Variants in LIN9 observed in about 807,000 individuals in gnomAD.
LIN9 encodes the protein protein lin-9 homolog.
A neutral mutation model predicts 78.0 loss-of-function variants in LIN9; 18 were observed. The observed-to-expected ratio is 0.23, with a 90% CI of 0.16 to 0.34. The LOEUF is 0.34. LIN9 is among the 10% of genes least tolerant of loss of function. LIN9 has a pLI of 1.00. For synonymous variants in LIN9, 192 were observed against 215.2 expected, an observed-to-expected ratio of 0.89 and a Z score of 0.94; for missense variants, 451 against 644.1, an observed-to-expected ratio of 0.70 and a Z score of 3.25.
At chr1:226,262,164 A>T (rs1206595320) in intron 10 of LIN9, among the ~76,000 whole-genome samples, 3 of 152,234 alleles carry the variant, frequency 2.0e-5, no homozygotes, top group African/African-American at 4.8e-5. Flanking sequence ...ATCCAAAACT[A>T]TAAAACTCCT....
chr1:226,241,025 T>A (rs752781730), intron 11 of LIN9, among the ~76,000 whole-genome samples: 1 of 152,182 alleles, frequency 6.6e-6, no homozygotes, highest in Non-Finnish European at 1.5e-5. Flanking sequence ...CCTCTGCTAC[T>A]ATAGATCTGA....
intron 4 of LIN9, among the ~76,000 whole-genome samples, chr1:226,291,050 C>T (rs1661759167): frequency 6.6e-6 from 1 of 152,216 alleles, no homozygotes; most frequent in Non-Finnish European, 1.5e-5. Flanking sequence ...AGCCACTGTG[C>T]ATGGTCCCAG....
At position 226,290,591 on chromosome 1, in the gene LIN9, C is replaced by T. The variant is rs563771676; in HGVS notation, c.265-2794G>A. 5.9e-5 allele frequency among the ~76,000 whole-genome samples: 9 copies of T among 152,194 alleles called. No individual in the cohort carries two copies. The South Asian group carries it at 6.2e-4, about 11-fold the overall frequency. ...TCCTGACCTCGTGATCCGCCCACCT[C>T]GGCCTCCCAAAGTGCTGGGATTACA... is the stretch of plus-strand genomic sequence containing the variant. On this transcript the variant is annotated intron_variant, in intron 4 of 14. Transcript: ENST00000681046.
At chr1:226,286,501 T>C (rs780608275) in intron 5 of LIN9, 43 bp from the exon 6 acceptor site, 17 of 1,442,326 alleles carry the variant, frequency 1.2e-5, no homozygotes, top group Non-Finnish European at 1.4e-5. Flanking sequence ...ATACAATGTG[T>C]TACTTTCTTA....
intron 10 of LIN9, among the ~76,000 whole-genome samples, chr1:226,263,549 T>A (rs1659728919): frequency 6.6e-6 from 1 of 152,190 alleles, no homozygotes; most frequent in African/African-American, 2.4e-5. Flanking sequence ...TGGCTCCCTT[T>A]GCTTATTGAT....
At chr1:226,305,011 A>G (rs1662812688) in intron 1 of LIN9, among the ~76,000 whole-genome samples, 2 of 152,026 alleles carry the variant, frequency 1.3e-5, no homozygotes, top group African/African-American at 4.8e-5. Context: ...TTCTACTAAA[A>G]ATACAAAAGT....
At chr1:226,254,610 TAAAA>T (rs1659065345) in intron 10 of LIN9, among the ~76,000 whole-genome samples, 1 of 151,768 alleles carries the variant, frequency 6.6e-6, no homozygotes, top group Admixed American at 6.6e-5. Flanking sequence ...CTGACATACT[TAAAA>T]AAATCAATGA....
Position 226,231,501 on chromosome 1 carries a change from A to G in LIN9, c.*1000T>C, listed in dbSNP as rs1474292053. 1 of 152,590 alleles carries G rather than the reference A, an allele frequency of 6.6e-6. No homozygotes were observed. The highest frequency in any genetic ancestry group is 2.4e-5 in the African/African-American group (1 of 41,458). The allele number at this position is 152,590 out of a possible 1,614,324, so 9.5% of individuals were successfully genotyped here. The stretch of plus-strand genomic sequence containing the variant: ...TCTATTAAAACGAAGAAAATTCCAA[A>G]TACATACTTTTTACAAGATTAACAT... On this transcript the variant is annotated 3_prime_UTR_variant, in exon 15 of 15. Transcript: ENST00000681046.
At chr1:226,250,620 T>G (rs74355679) in intron 11 of LIN9, among the ~76,000 whole-genome samples, 1 of 152,206 alleles carries the variant, frequency 6.6e-6, no homozygotes, top group Non-Finnish European at 1.5e-5. Context: ...GGTAGAATCA[T>G]AGCTCACTGC....
chr1:226,247,369 A>G (rs183309596), intron 11 of LIN9, among the ~76,000 whole-genome samples: 113 of 152,086 alleles, frequency 7.4e-4, no homozygotes, highest in Non-Finnish European at 5.3e-4. Context: ...ATTTAAATTG[A>G]GTTTTAGATA....
upstream of LIN9, chr1:226,309,256 C>T (rs543330000): frequency 9.1e-5 from 113 of 1,235,656 alleles, no homozygotes; most frequent in Admixed American, 4.0e-3. Flanking sequence ...CGCCGCGCTG[C>T]GCTGCTCCCG....
intron 10 of LIN9, among the ~76,000 whole-genome samples, chr1:226,258,891 C>T (rs1279690611): frequency 5.0e-4 from 2 of 3,984 alleles, no homozygotes; most frequent in Non-Finnish European, 8.0e-4. Flanking sequence ...GACTCTGTCT[C>T]AACAAAAAAA....
rs764468024 is a variant in LIN9, at chr1:226,266,244, T to G, written c.905A>C (p.His302Pro). ...TGGTGACTGGAGAGGAGGAGTATAATGTAACCGTGGTGGGGTCATAAAAAA... is the reference window on the plus strand; with the variant it reads ...TGGTGACTGGAGAGGAGGAGTATAAGGTAACCGTGGTGGGGTCATAAAAAA... Reference protein sequence around the residue: ...SRFFMTPPRLHYTPPLQSPII... With the variant: ...SRFFMTPPRLPYTPPLQSPII... Residue 302 changes from histidine to proline, a missense_variant, in exon 9 of 15, where the codon CAT (histidine) becomes CCT (proline). His to Pro is a moderately conservative substitution (Grantham distance 77). Coordinates refer to ENST00000681046, the MANE Select transcript of LIN9 (RefSeq NM_001366245.2). The G allele has an allele frequency of 6.3e-7, 1 of 1,596,320 alleles. No homozygotes were observed. Among genetic ancestry groups the G allele is most frequent in the Admixed American group, 1.7e-5 (1 of 59,252 alleles).
At chr1:226,274,371 G>A (rs892711661) in intron 7 of LIN9, among the ~76,000 whole-genome samples, 1 of 152,092 alleles carries the variant, frequency 6.6e-6, no homozygotes, top group Non-Finnish European at 1.5e-5. Flanking sequence ...ATCCATATCA[G>A]TGCTCCTCTT....
intron 11 of LIN9, among the ~76,000 whole-genome samples, chr1:226,239,811 C>T (rs935092882): frequency 2.0e-5 from 3 of 152,192 alleles, no homozygotes; most frequent in Admixed American, 6.5e-5. Context: ...GATGCCATTT[C>T]CTTCCCTCTC....
chr1:226,309,012 C>G, intron 1 of LIN9, 97 bp downstream of exon 1: 1 of 1,226,966 alleles, frequency 8.2e-7, no homozygotes, highest in African/African-American at 1.6e-5. Flanking sequence ...GTCAGCCCAC[C>G]TGCCCAGCGG....
Position 226,265,511 on chromosome 1 carries a change from A to ATT in LIN9, c.1038+21_1038+22insAA. 6.8e-7 allele frequency: 1 copy of ATT among 1,461,676 alleles called. No individual in the cohort carries two copies. The highest frequency in any genetic ancestry group is 9.5e-7 in the Non-Finnish European group (1 of 1,048,216). 90.5% of individuals were successfully genotyped at this position (1,461,676 alleles called of 1,614,324 possible). ...CATTGAGTTTTTAAACAAACAGCCA[A>ATT]GATATTCAGAACAATTCTTACCACT... On this transcript the variant is annotated intron_variant, in intron 10 of 14. Transcript: ENST00000681046. This position sits in a 1 kb window ranked among gnomAD's most constrained non-coding sequence, Gnocchi z 4.1.
intron 11 of LIN9, among the ~76,000 whole-genome samples, chr1:226,249,309 T>C (rs1447728033): frequency 1.3e-5 from 2 of 152,184 alleles, no homozygotes; most frequent in Non-Finnish European, 2.9e-5. Flanking sequence ...GTTTAAGATA[T>C]GTAATGGCAA....
At chr1:226,300,157 C>T (rs567427891) in intron 2 of LIN9, among the ~76,000 whole-genome samples, 26 of 152,196 alleles carry the variant, frequency 1.7e-4, no homozygotes, top group African/African-American at 6.0e-4. Flanking sequence ...AGGCTAATCA[C>T]GAACTCCTGA....
Sources: allele counts gnomAD v4.1 joint callset (sites outside exome capture counted in the v4.1 genomes callset), GRCh38; gene constraint gnomAD v4.1.1; non-coding constraint Gnocchi (gnomAD v3.1); transcripts MANE v1.5; gene names NCBI Gene and HGNC (gene_info 2026-07-23, HGNC 2026-07-21).